The following EEFSEC variants were observed in gnomAD, a reference collection of about 807,000 sequenced individuals.
EEFSEC encodes eukaryotic elongation factor, selenocysteine-tRNA specific, also known as selenocysteine-specific elongation factor.
EEFSEC carries 43 observed loss-of-function variants against 42.1 expected under a neutral mutation model. That is an observed-to-expected ratio of 1.02 (90% CI 0.80 to 1.32). The LOEUF (loss-of-function observed/expected upper bound fraction) is 1.32. EEFSEC is among the 40% of genes most tolerant of loss of function. The probability of loss-of-function intolerance (pLI) is 0.00; values close to 1 mark genes in which losing one functional copy is unlikely to be tolerated. For synonymous variants in EEFSEC, 354 were observed against 339.1 expected (o/e 1.04, Z -0.48); for missense variants, 745 against 803.6 (o/e 0.93, Z 0.88).
At chr3:128,405,525 C>CA (rs2068098311) in intron 6 of EEFSEC, among the ~76,000 whole-genome samples, 1 of 152,238 alleles carries the variant, frequency 6.6e-6, no homozygotes, top group Non-Finnish European at 1.5e-5. Context: ...CTTAGACCTT[C>CA]ATTTTCTCAT....
At chr3:128,356,905 T>G (rs2067462012) in intron 5 of EEFSEC, among the ~76,000 whole-genome samples, 1 of 152,262 alleles carries the variant, frequency 6.6e-6, no homozygotes, top group Non-Finnish European at 1.5e-5. Context: ...CTCCACTTCT[T>G]GAACTCAGGC....
At chr3:128,245,107 A>G (rs767332498) in intron 1 of EEFSEC, among the ~76,000 whole-genome samples, 1 of 152,198 alleles carries the variant, frequency 6.6e-6, no homozygotes, top group African/African-American at 2.4e-5. Flanking sequence ...CCAGCAGTAT[A>G]TGAATCAGTG....
Position 128,193,012 on chromosome 3 carries a change from A to G in EEFSEC, c.316+39189A>G, listed in dbSNP as rs542501345. Among the ~76,000 whole-genome samples the G allele has an allele frequency of 2.0e-4, 31 of 152,312 alleles. No homozygotes were observed. In the East Asian group the frequency reaches 4.4e-3, roughly 22 times the overall value. On this transcript the variant is annotated intron_variant, in intron 1 of 6. Transcript: ENST00000254730. The stretch of plus-strand genomic sequence containing the variant: ...GTTGGCACTGTCCCTTACCAGCTAC[A>G]TGATCTTACGTGACAACATGGGAAT...
chr3:128,325,022 G>T (rs1166129423), intron 4 of EEFSEC, among the ~76,000 whole-genome samples: 1 of 152,098 alleles, frequency 6.6e-6, no homozygotes, highest in African/African-American at 2.4e-5. Context: ...GAGAGATAAC[G>T]GCCAGTCCGT....
At chr3:128,235,113 G>A (rs1215952537) in intron 1 of EEFSEC, among the ~76,000 whole-genome samples, 1 of 151,924 alleles carries the variant, frequency 6.6e-6, no homozygotes, top group African/African-American at 2.4e-5. Flanking sequence ...TGCCCAGGTT[G>A]GAGTGCAGTG....
At chr3:128,186,615 G>A (rs1458824938) in intron 1 of EEFSEC, among the ~76,000 whole-genome samples, 3 of 152,238 alleles carry the variant, frequency 2.0e-5, no homozygotes, top group African/African-American at 7.2e-5. Flanking sequence ...TGAAGTAGAG[G>A]TCCAACTTAA....
downstream of EEFSEC, among the ~76,000 whole-genome samples, chr3:128,411,775 A>G (rs562498368): frequency 3.9e-5 from 6 of 152,334 alleles, no homozygotes; most frequent in African/African-American, 1.4e-4. Flanking sequence ...TATATTTTCA[A>G]TAGATAACGT....
In EEFSEC at chr3:128,319,122, C is replaced by A. The variant is rs537715535; in HGVS notation, c.787-22111C>A. Among the ~76,000 whole-genome samples, 20 of 152,308 alleles carry A rather than the reference C, an allele frequency of 1.3e-4. 1 individual carries two copies. The highest frequency in any genetic ancestry group is 3.8e-4 in the African/African-American group (16 of 41,568). Reference sequence around the variant, plus strand: ...CACCTGTCCCACCTGGAACATGTTTCATGTTAAGTGCCATTCCTTTCCCCA... The same window carrying A: ...CACCTGTCCCACCTGGAACATGTTTAATGTTAAGTGCCATTCCTTTCCCCA... On this transcript the variant is annotated intron_variant, in intron 4 of 6. Coordinates refer to ENST00000254730, the MANE Select transcript of EEFSEC (RefSeq NM_021937.5).
intron 1 of EEFSEC, among the ~76,000 whole-genome samples, chr3:128,176,761 C>T (rs1249541614): frequency 6.6e-6 from 1 of 152,030 alleles, no homozygotes; most frequent in Non-Finnish European, 1.5e-5. Context: ...TTCTCTGGGC[C>T]TCAACTTCCT....
At chr3:128,342,191 C>T (rs2067263200) in intron 5 of EEFSEC, among the ~76,000 whole-genome samples, 1 of 152,218 alleles carries the variant, frequency 6.6e-6, no homozygotes, top group South Asian at 2.1e-4. Flanking sequence ...TGGGTCTGAG[C>T]AGGTCTGGGC....
the EEFSEC span, among the ~76,000 whole-genome samples, chr3:128,418,724 C>T: frequency 3.3e-5 from 5 of 152,100 alleles, no homozygotes; most frequent in South Asian, 2.1e-4. Flanking sequence ...CCCCTGTGGC[C>T]GGGGTGCCCT....
At chr3:128,193,168 T>A (rs2065544939) in intron 1 of EEFSEC, among the ~76,000 whole-genome samples, 1 of 152,210 alleles carries the variant, frequency 6.6e-6, no homozygotes, top group African/African-American at 2.4e-5. Context: ...ACTTCACTTA[T>A]GCTGTCCTTA....
intron 4 of EEFSEC, among the ~76,000 whole-genome samples, chr3:128,288,093 T>C (rs2066605977): frequency 6.6e-6 from 1 of 152,180 alleles, no homozygotes; most frequent in Non-Finnish European, 1.5e-5. Flanking sequence ...GGTCTTCCAG[T>C]GACGAACACT....
At position 128,264,774 on chromosome 3, in the gene EEFSEC, C is replaced by T; in HGVS notation, c.779C>T (p.Ala260Val). 1 of 1,613,740 alleles carries T rather than the reference C, an allele frequency of 6.2e-7. No homozygotes were observed. The highest frequency in any genetic ancestry group is 8.5e-7 in the Non-Finnish European group (1 of 1,179,776). Residue 260 changes from alanine (A) to valine (V), a missense_variant, in exon 4 of 7, where the codon GCC (alanine) becomes GTC (valine). Transcript: ENST00000254730. ...CTCGGTGACAGTGTGGAGATCCCTG[C>T]CCTCAAGGTCAGTCTTACCTTGTCT... is the stretch of plus-strand genomic sequence containing the variant. ...ISLGDSVEIP[A>V]LKVVKKVKSM...
intron 6 of EEFSEC, among the ~76,000 whole-genome samples, chr3:128,398,636 G>A (rs1296563353): frequency 6.6e-6 from 1 of 152,008 alleles, no homozygotes; most frequent in Non-Finnish European, 1.5e-5. Context: ...TGCCCCTGCC[G>A]GGCCTGCAGG....
At chr3:128,350,669 A>G (rs13069536) in intron 5 of EEFSEC, among the ~76,000 whole-genome samples, 1,704 of 152,246 alleles carry the variant, frequency 0.011, 12 homozygotes, top group Middle Eastern at 0.051. Context: ...TTTTGCCCAT[A>G]TAGAGACACA....
At chr3:128,210,733 C>T (rs922671968) in intron 1 of EEFSEC, among the ~76,000 whole-genome samples, 2 of 152,202 alleles carry the variant, frequency 1.3e-5, no homozygotes, top group African/African-American at 4.8e-5. Context: ...TTGATTCACA[C>T]GTGTCATGAC....
chr3:128,288,407 A>G (rs2066608941), intron 4 of EEFSEC, among the ~76,000 whole-genome samples: 1 of 152,214 alleles, frequency 6.6e-6, no homozygotes, highest in African/African-American at 2.4e-5. Flanking sequence ...TATGTGCCAC[A>G]GCAAAAGCCT....
At chr3:128,355,532 A>G (rs2067442140) in intron 5 of EEFSEC, among the ~76,000 whole-genome samples, 1 of 151,864 alleles carries the variant, frequency 6.6e-6, no homozygotes, top group African/African-American at 2.4e-5. Flanking sequence ...ATATGTATAC[A>G]CATATTTAGA....
Sources: allele counts gnomAD v4.1 joint callset (sites outside exome capture counted in the v4.1 genomes callset), GRCh38; gene constraint gnomAD v4.1.1; transcripts MANE v1.5; gene names NCBI Gene and HGNC (gene_info 2026-07-23, HGNC 2026-07-21).